The following DIP2C variants were observed in gnomAD, a reference collection of about 807,000 sequenced individuals.
The protein encoded by DIP2C is DIP2 acetate--CoA ligase C (putative).
DIP2C carries 33 observed loss-of-function variants against 192.4 expected under a neutral mutation model. The ratio of observed to expected loss-of-function variants is 0.17; its 90% CI spans 0.13 to 0.23. The LOEUF (loss-of-function observed/expected upper bound fraction) is 0.23. Among genes scored for constraint, DIP2C ranks in the 10% least tolerant of loss-of-function variants. The pLI is 1.00. For missense variants in DIP2C, 1,537 were observed against 2,110.1 expected, an observed-to-expected ratio of 0.73 and a Z score of 5.32; for synonymous variants, 979 against 864.1, an observed-to-expected ratio of 1.13 and a Z score of -2.33.
chr10:623,365 C>T (rs1333270702), intron 1 of DIP2C, among the ~76,000 whole-genome samples: 2 of 151,272 alleles, frequency 1.3e-5, no homozygotes, highest in African/African-American at 2.4e-5. Flanking sequence ...AGGGAGGTCA[C>T]GGGAATGGGC....
chr10:520,695 G>A (rs2130814553), intron 1 of DIP2C, among the ~76,000 whole-genome samples: 1 of 152,316 alleles, frequency 6.6e-6, no homozygotes, highest in Non-Finnish European at 1.5e-5. Flanking sequence ...CTCGTCTTCT[G>A]CTGCTGTCAA....
intron 1 of DIP2C, among the ~76,000 whole-genome samples, chr10:566,619 G>C (rs1849482198): frequency 6.6e-6 from 1 of 152,262 alleles, no homozygotes; most frequent in Non-Finnish European, 1.5e-5. Context: ...ATGAGCCCCA[G>C]CACACAGAAG....
At chr10:300,571 T>C (rs1365216472) in intron 32 of DIP2C, among the ~76,000 whole-genome samples, 1 of 151,740 alleles carries the variant, frequency 6.6e-6, no homozygotes, top group Non-Finnish European at 1.5e-5. Context: ...CCTGCGTGTG[T>C]GGAGAAACCG....
chr10:568,781 A>AAAAAAAC (rs1849598703), intron 1 of DIP2C, among the ~76,000 whole-genome samples: 1 of 146,302 alleles, frequency 6.8e-6, no homozygotes, highest in South Asian at 2.2e-4. Context: ...AAAAAAAAAA[A>AAAAAAAC]AAAAAAAAAA....
At chr10:304,078 A>G (rs1956192463) in intron 32 of DIP2C, among the ~76,000 whole-genome samples, 1 of 152,172 alleles carries the variant, frequency 6.6e-6, no homozygotes, top group Non-Finnish European at 1.5e-5. Context: ...TTAAGTATAG[A>G]GAATATGCTC....
At chr10:600,676 G>A (rs1852010451) in intron 1 of DIP2C, among the ~76,000 whole-genome samples, 1 of 152,140 alleles carries the variant, frequency 6.6e-6, no homozygotes, top group South Asian at 2.1e-4. Flanking sequence ...CAGGGTGTGT[G>A]GATATTCCTG....
At chr10:286,431 T>C (rs1955135233) in intron 33 of DIP2C, 84 bp from the exon 34 acceptor site, 2 of 1,248,064 alleles carry the variant, frequency 1.6e-6, no homozygotes, top group Admixed American at 1.7e-5. Flanking sequence ...CTCATCTTTA[T>C]GCCATTTCCT....
chr10:432,361 T>C (rs79886764), intron 4 of DIP2C, among the ~76,000 whole-genome samples: 185 of 152,328 alleles, frequency 1.2e-3, no homozygotes, highest in African/African-American at 4.1e-3. Flanking sequence ...ACTGATTCAA[T>C]TTAACAGATA....
chr10:325,710 T>A (rs970626288), intron 31 of DIP2C, among the ~76,000 whole-genome samples: 4 of 152,182 alleles, frequency 2.6e-5, no homozygotes, highest in African/African-American at 4.8e-5. Context: ...AGAACTAGTT[T>A]GGTGAGATAA....
chr10:532,277 AC>A (rs981595233), intron 1 of DIP2C, among the ~76,000 whole-genome samples: 3 of 149,836 alleles, frequency 2.0e-5, no homozygotes, highest in African/African-American at 5.0e-5. Context: ...CCCCACCTCC[AC>A]CCCCGCAGTC....
intron 3 of DIP2C, among the ~76,000 whole-genome samples, chr10:458,578 C>T (rs954818585): frequency 4.0e-5 from 6 of 151,228 alleles, no homozygotes; most frequent in South Asian, 4.2e-4. Flanking sequence ...GAACCCGTGA[C>T]GGCAAGGAGG....
chr10:483,911 G>A (rs1238841747), intron 2 of DIP2C, among the ~76,000 whole-genome samples: 2 of 152,120 alleles, frequency 1.3e-5, no homozygotes, highest in Non-Finnish European at 2.9e-5. Flanking sequence ...TGACTTCTTG[G>A]ATTCAAGCAA....
At chr10:409,930 C>A (rs774587581) in intron 8 of DIP2C, among the ~76,000 whole-genome samples, 27 of 152,206 alleles carry the variant, frequency 1.8e-4, no homozygotes, top group Non-Finnish European at 3.7e-4. Context: ...GCTGCCAGAG[C>A]GTCTCAGTAG....
At chr10:304,939 T>TGC (rs1956238830) in intron 32 of DIP2C, among the ~76,000 whole-genome samples, 1 of 152,198 alleles carries the variant, frequency 6.6e-6, no homozygotes, top group African/African-American at 2.4e-5. Flanking sequence ...CATATTTGTA[T>TGC]GCACACACAC....
rs56298679 is a variant in DIP2C, at chr10:596,496, CAAAAAAAAAAAAAAAAAA to C, written c.85+92980_85+92997del. Among the ~76,000 whole-genome samples the C allele has an allele frequency of 9.4e-5, 5 of 52,932 alleles. No homozygotes were observed. In the Admixed American group the frequency reaches 9.5e-4, roughly 10 times the overall value. The allele number at this position is 52,932 out of a possible 152,430, so 34.7% of individuals were successfully genotyped here. A position where few individuals can be genotyped will look rare whatever the true frequency, so the allele number is the denominator to read the frequency against. The stretch of plus-strand genomic sequence containing the variant: ...GGGCGACCAGTGCGAAACTCCATCT[CAAAAAAAAAAAAAAAAAA>C]AAAAAAAAAAAAGTATTAAGTTTTC... On this transcript the variant is annotated intron_variant, in intron 1 of 36. Coordinates refer to ENST00000280886, the MANE Select transcript of DIP2C (RefSeq NM_014974.3).
intron 1 of DIP2C, chr10:664,920 C>T (rs978739400): frequency 3.9e-5 from 6 of 152,152 alleles, no homozygotes; most frequent in Admixed American, 3.9e-4. Context: ...TAATAAAGCT[C>T]AAAAAGTACA....
intron 1 of DIP2C, among the ~76,000 whole-genome samples, chr10:643,904 A>T (rs1211421962): frequency 1.3e-5 from 2 of 152,262 alleles, no homozygotes; most frequent in Non-Finnish European, 2.9e-5. Flanking sequence ...GGTGTATTTA[A>T]GGAAAAAGTG....
chr10:672,952 C>A (rs1402487252), intron 1 of DIP2C, among the ~76,000 whole-genome samples: 1 of 152,144 alleles, frequency 6.6e-6, no homozygotes, highest in East Asian at 1.9e-4. Context: ...CAGTGAATAC[C>A]CATGTATCAA....
At chr10:377,862 A>G (rs2132848876) in intron 17 of DIP2C, among the ~76,000 whole-genome samples, 1 of 152,328 alleles carries the variant, frequency 6.6e-6, no homozygotes. Context: ...TCATTGTTTT[A>G]TATGATTTTT....
Sources: allele counts gnomAD v4.1 joint callset (sites outside exome capture counted in the v4.1 genomes callset), GRCh38; gene constraint gnomAD v4.1.1; transcripts MANE v1.5; gene names NCBI Gene and HGNC (gene_info 2026-07-23, HGNC 2026-07-21).